The following KBTBD13 variants were observed in gnomAD, a reference collection of about 807,000 sequenced individuals.
KBTBD13 encodes kelch repeat and BTB domain-containing protein 13.
KBTBD13 carries 32 observed loss-of-function variants against 25.4 expected under a neutral mutation model. That is an observed-to-expected ratio of 1.26 (90% confidence interval 0.95 to 1.69). The LOEUF is 1.69. KBTBD13 is among the 40% of genes most tolerant of loss of function. KBTBD13 has a pLI of 0.00. For missense variants in KBTBD13, 898 were observed against 679.5 expected (o/e 1.32, Z -3.57); for synonymous variants, 436 against 329.8 (o/e 1.32, Z -3.49).
In KBTBD13 at chr15:65,077,942, C is replaced by T; in HGVS notation, c.1127C>T (p.Thr376Met). The part of the protein sequence containing the change: ...HCAIDCLNLA[T>M]GQWTALPGQF... ...GCCATCGACTGTCTCAACCTGGCCA[C>T]GGGCCAGTGGACGGCGCTGCCCGGC... Residue 376 changes from threonine to methionine, a missense_variant, in exon 1 of 1, where the codon ACG becomes ATG. By Grantham distance (81) the Thr-to-Met change is moderately conservative. Transcript: ENST00000432196. 6.2e-7 allele frequency: 1 copy of T among 1,611,706 alleles called. No individual in the cohort carries two copies.
At position 65,077,829 on chromosome 15, in the gene KBTBD13, T is replaced by A. The variant is rs759620220; in HGVS notation, c.1014T>A (p.Arg338=). 2 of 1,607,868 alleles carry A rather than the reference T, an allele frequency of 1.2e-6. No homozygotes were observed. Among genetic ancestry groups the A allele is most frequent in the Non-Finnish European group, 1.7e-6 (2 of 1,179,228 alleles). The change falls in exon 1 of 1, where the codon CGT becomes CGA. Residue 338 remains arginine, a synonymous_variant. Transcript: ENST00000432196. ...DAWLPVAELR[R]PQSYGHCMVA... ...GGCTGCCAGTGGCCGAGCTGCGGCG[T>A]CCGCAGAGCTATGGCCACTGCATGG...
rs765183787 is a variant in KBTBD13, at chr15:65,077,851, A to C, written c.1036A>C (p.Met346Leu). Residue 346 changes from methionine to leucine, a missense_variant, in exon 1 of 1, where the codon ATG (methionine) becomes CTG (leucine). Coordinates refer to ENST00000432196, the MANE Select transcript of KBTBD13 (RefSeq NM_001101362.3). ...LRRPQSYGHC[M>L]VAHRDSLYVV... Reference sequence around the variant, plus strand: ...GCGTCCGCAGAGCTATGGCCACTGCATGGTGGCCCACCGCGACAGCCTCTA... The same window carrying C: ...GCGTCCGCAGAGCTATGGCCACTGCCTGGTGGCCCACCGCGACAGCCTCTA... The C allele has an allele frequency of 3.1e-6, 5 of 1,610,622 alleles. No individual in the cohort carries two copies. The highest frequency in any genetic ancestry group is 4.5e-5 in the East Asian group (2 of 44,868).
In KBTBD13 at chr15:65,078,061, A is replaced by G. The variant is rs763604024; in HGVS notation, c.1246A>G (p.Ile416Val). The G allele has an allele frequency of 3.1e-6, 5 of 1,600,774 alleles. No homozygotes were observed. In the Admixed American group the frequency reaches 6.7e-5, roughly 21 times the overall value. ...VNRMFTLLYA[I>V]EGGTWRLLRE... ...CCGCATGTTCACGCTGCTCTACGCC[A>G]TCGAGGGCGGCACCTGGCGGCTGCT... The change falls in exon 1 of 1, where the codon ATC (isoleucine) becomes GTC (valine). Residue 416 changes from isoleucine (I) to valine (V), a missense_variant. Physicochemically the swap from Ile to Val is conservative, Grantham distance 29 (BLOSUM62 3). Transcript: ENST00000432196.
At position 65,076,766 on chromosome 15, in the gene KBTBD13, G is replaced by A; in HGVS notation, c.-50G>A. On this transcript the variant is annotated 5_prime_UTR_variant, in exon 1 of 1. Coordinates refer to ENST00000432196, the MANE Select transcript of KBTBD13 (RefSeq NM_001101362.3). ...GCTCCAGGGGAGCCCCAGAGTTGGT[G>A]GCTGGCTAACCCAAGGCCCCAGCGG... 1 of 1,464,076 alleles carries A rather than the reference G, an allele frequency of 6.8e-7. No individual in the cohort carries two copies. 90.7% of individuals were successfully genotyped at this position (1,464,076 alleles called of 1,614,324 possible).
In KBTBD13 at chr15:65,079,230, C is replaced by T. The variant is rs117364345; in HGVS notation, c.*1038C>T. On this transcript the variant is annotated 3_prime_UTR_variant, in exon 1 of 1. Coordinates refer to ENST00000432196, the MANE Select transcript of KBTBD13 (RefSeq NM_001101362.3). ...CTGCCTCATCTTCCTCAGTTGTAGC[C>T]CCTCCTCCACATTCTACAGGTTTGT... 1.3e-5 allele frequency among the ~76,000 whole-genome samples: 2 copies of T among 152,246 alleles called. No homozygotes were observed. Among genetic ancestry groups the T allele is most frequent in the Non-Finnish European group, 2.9e-5 (2 of 68,020 alleles).
At position 65,078,082 on chromosome 15, in the gene KBTBD13, C is replaced by T. The variant is rs1412007378; in HGVS notation, c.1267C>T (p.Leu423=). The T allele has an allele frequency of 1.9e-6, 3 of 1,596,604 alleles. No individual in the cohort carries two copies. Residue 423 remains leucine (L), a synonymous_variant, in exon 1 of 1, where the codon CTG becomes TTG. Coordinates refer to ENST00000432196, the MANE Select transcript of KBTBD13 (RefSeq NM_001101362.3). ...LYAIEGGTWR[L]LREKAGFPRP... ...CGCCATCGAGGGCGGCACCTGGCGGCTGCTCAGGGAGAAAGCCGGCTTCCC... is the reference window on the plus strand; with the variant it reads ...CGCCATCGAGGGCGGCACCTGGCGGTTGCTCAGGGAGAAAGCCGGCTTCCC...
In KBTBD13 at chr15:65,077,249, C is replaced by G. The variant is rs1205418680; in HGVS notation, c.434C>G (p.Ala145Gly). 1.2e-5 allele frequency: 17 copies of G among 1,415,874 alleles called. No individual in the cohort carries two copies. The highest frequency in any genetic ancestry group is 3.0e-5 in the Admixed American group (1 of 33,842). 87.7% of individuals were successfully genotyped at this position (1,415,874 alleles called of 1,614,324 possible). ...GCGGCCGAACTGGCGCTGCCTGAGG[C>G]CCGCGCCTACGTGGCGGCCCTGCGG... Reference protein sequence around the residue: ...ELAAELALPEARAYVAALRPS... With the variant: ...ELAAELALPEGRAYVAALRPS... The change falls in exon 1 of 1, where the codon GCC becomes GGC. Residue 145 changes from alanine to glycine, a missense_variant. Physicochemically the swap from Ala to Gly is moderately conservative, Grantham distance 60. Transcript: ENST00000432196.
chr15:65,078,218 G>A lies in KBTBD13; in HGVS notation c.*26G>A, dbSNP rs2087009566. The A allele has an allele frequency of 7.2e-6, 11 of 1,528,788 alleles. No individual in the cohort carries two copies. Among genetic ancestry groups the A allele is most frequent in the Non-Finnish European group, 3.5e-6 (4 of 1,141,350 alleles). The allele number at this position is 1,528,788 out of a possible 1,614,324, so 94.7% of individuals were successfully genotyped here. Reference sequence around the variant, plus strand: ...CCTCTGGGCTGGCTTTAGGAGGGAGGAGACGCCGCGACTCCTCCCTGAGCT... The same window carrying A: ...CCTCTGGGCTGGCTTTAGGAGGGAGAAGACGCCGCGACTCCTCCCTGAGCT... On this transcript the variant is annotated 3_prime_UTR_variant, in exon 1 of 1. Coordinates refer to ENST00000432196, the MANE Select transcript of KBTBD13 (RefSeq NM_001101362.3).
chr15:65,078,226 G>A lies in KBTBD13; in HGVS notation c.*34G>A. On this transcript the variant is annotated 3_prime_UTR_variant, in exon 1 of 1. Coordinates refer to ENST00000432196, the MANE Select transcript of KBTBD13 (RefSeq NM_001101362.3). ...CTGGCTTTAGGAGGGAGGAGACGCC[G>A]CGACTCCTCCCTGAGCTATGGCTGA... is the stretch of plus-strand genomic sequence containing the variant. The A allele has an allele frequency of 1.3e-6, 2 of 1,527,338 alleles. No homozygotes were observed. The highest frequency in any genetic ancestry group is 8.8e-7 in the Non-Finnish European group (1 of 1,140,482). The allele number at this position is 1,527,338 out of a possible 1,614,324, so 94.6% of individuals were successfully genotyped here.
In KBTBD13 at chr15:65,078,230, C is replaced by G. The variant is rs1273082283; in HGVS notation, c.*38C>G. The G allele has an allele frequency of 9.2e-6, 14 of 1,526,182 alleles. No homozygotes were observed. The highest frequency in any genetic ancestry group is 1.2e-5 in the Non-Finnish European group (14 of 1,140,072). The allele number at this position is 1,526,182 out of a possible 1,614,324, so 94.5% of individuals were successfully genotyped here. The stretch of plus-strand genomic sequence containing the variant: ...CTTTAGGAGGGAGGAGACGCCGCGA[C>G]TCCTCCCTGAGCTATGGCTGAGTGT... On this transcript the variant is annotated 3_prime_UTR_variant, in exon 1 of 1. Coordinates refer to ENST00000432196, the MANE Select transcript of KBTBD13 (RefSeq NM_001101362.3).
Position 65,077,246 on chromosome 15 carries a change from A to C in KBTBD13, c.431A>C (p.Glu144Ala). 1 of 1,418,716 alleles carries C rather than the reference A, an allele frequency of 7.0e-7. No individual in the cohort carries two copies. The highest frequency in any genetic ancestry group is 9.2e-7 in the Non-Finnish European group (1 of 1,089,980). The allele number at this position is 1,418,716 out of a possible 1,614,324, so 87.9% of individuals were successfully genotyped here. Residue 144 changes from glutamate (E) to alanine (A), a missense_variant, in exon 1 of 1, where the codon GAG (glutamate) becomes GCG (alanine). Glu to Ala is a moderately radical substitution (Grantham distance 107). Coordinates refer to ENST00000432196, the MANE Select transcript of KBTBD13 (RefSeq NM_001101362.3). ...RELAAELALP[E>A]ARAYVAALRP... ...CTGGCGGCCGAACTGGCGCTGCCTG[A>C]GGCCCGCGCCTACGTGGCGGCCCTG...
At position 65,079,624 on chromosome 15, in the gene KBTBD13, G is replaced by C. The variant is rs2087019885; in HGVS notation, c.*1432G>C. Among the ~76,000 whole-genome samples the C allele has an allele frequency of 6.6e-6, 1 of 152,186 alleles. No individual in the cohort carries two copies. Among genetic ancestry groups the C allele is most frequent in the Non-Finnish European group, 1.5e-5 (1 of 68,032 alleles). On this transcript the variant is annotated 3_prime_UTR_variant, in exon 1 of 1. Transcript: ENST00000432196. Reference sequence around the variant, plus strand: ...TCCTTCATCAAAATCCCCAGCTCTGGCTTCTGGGCAGATGCCTGTCCCAGC... The same window carrying C: ...TCCTTCATCAAAATCCCCAGCTCTGCCTTCTGGGCAGATGCCTGTCCCAGC...
In KBTBD13 at chr15:65,077,853, G is replaced by T. The variant is rs770377239; in HGVS notation, c.1038G>T (p.Met346Ile). 267 of 1,610,718 alleles carry T rather than the reference G, an allele frequency of 1.7e-4. No individual in the cohort carries two copies. The highest frequency in any genetic ancestry group is 2.2e-4 in the Non-Finnish European group (259 of 1,179,726). Residue 346 changes from methionine (M) to isoleucine (I), a missense_variant, in exon 1 of 1, where the codon ATG becomes ATT. Coordinates refer to ENST00000432196, the MANE Select transcript of KBTBD13 (RefSeq NM_001101362.3). ...GTCCGCAGAGCTATGGCCACTGCATGGTGGCCCACCGCGACAGCCTCTATG... is the reference window on the plus strand; with the variant it reads ...GTCCGCAGAGCTATGGCCACTGCATTGTGGCCCACCGCGACAGCCTCTATG... ...LRRPQSYGHC[M>I]VAHRDSLYVV...
rs1348157626 is a variant in KBTBD13 at position 65,078,187 on chromosome 15, CT to C, written c.1373del (p.Leu458ArgfsTer24). On this transcript the variant is annotated frameshift_variant, in exon 1 of 1. Coordinates refer to ENST00000432196, the MANE Select transcript of KBTBD13 (RefSeq NM_001101362.3). LOFTEE classifies it high-confidence loss of function. ...GCCTGTGACTTCGACAACGGCAGAA[CT>C]GTGACCTCTGGGCTGGCTTTAGGAG... The part of the protein sequence containing the change: ...PGPVTSTTAE[L>X] 5 of 1,538,664 alleles carry C rather than the reference CT, an allele frequency of 3.2e-6. No individual in the cohort carries two copies. The highest frequency in any genetic ancestry group is 4.4e-6 in the Non-Finnish European group (5 of 1,147,406).
In KBTBD13 at chr15:65,078,270, A is replaced by T. The variant is rs900986909; in HGVS notation, c.*78A>T. 3 of 1,480,306 alleles carry T rather than the reference A, an allele frequency of 2.0e-6. No homozygotes were observed. Among genetic ancestry groups the T allele is most frequent in the Non-Finnish European group, 2.7e-6 (3 of 1,118,574 alleles). 91.7% of individuals were successfully genotyped at this position (1,480,306 alleles called of 1,614,324 possible). ...TGGCTGAGTGTGTGAGGCCGGCCTT[A>T]GAAGTAGCTGGCAACTTCCCTCTTT... On this transcript the variant is annotated 3_prime_UTR_variant, in exon 1 of 1. Transcript: ENST00000432196.
chr15:65,077,352 C>T lies in KBTBD13; in HGVS notation c.537C>T (p.Tyr179=), dbSNP rs1465166108. The change falls in exon 1 of 1, where the codon TAC becomes TAT. Residue 179 remains tyrosine, a synonymous_variant. Coordinates refer to ENST00000432196, the MANE Select transcript of KBTBD13 (RefSeq NM_001101362.3). Reference sequence around the variant, plus strand: ...AGGACGCCTCGCGCACGCTGTGTTACCTGGACGAGGAAGAGGACGCGTGGC... The same window carrying T: ...AGGACGCCTCGCGCACGCTGTGTTATCTGGACGAGGAAGAGGACGCGTGGC... The part of the protein sequence containing the change: ...FLEDASRTLC[Y]LDEEEDAWRT... 3.3e-6 allele frequency: 5 copies of T among 1,493,754 alleles called. No individual in the cohort carries two copies. The highest frequency in any genetic ancestry group is 1.4e-5 in the African/African-American group (1 of 70,402). The allele number at this position is 1,493,754 out of a possible 1,614,324, so 92.5% of individuals were successfully genotyped here. A position where few individuals can be genotyped will look rare whatever the true frequency, so the allele number is the denominator to read the frequency against.
chr15:65,076,924 C>G lies in KBTBD13; in HGVS notation c.109C>G (p.Arg37Gly), dbSNP rs372099090. The change falls in exon 1 of 1, where the codon CGC (arginine) becomes GGC (glycine). Residue 37 changes from arginine to glycine, a missense_variant. Coordinates refer to ENST00000432196, the MANE Select transcript of KBTBD13 (RefSeq NM_001101362.3). ...EHCGFFRGLF[R>G]SGMRETRAAE... Reference sequence around the variant, plus strand: ...CTGTGGCTTCTTCCGAGGCCTCTTCCGCTCCGGCATGCGGGAGACCCGCGC... The same window carrying G: ...CTGTGGCTTCTTCCGAGGCCTCTTCGGCTCCGGCATGCGGGAGACCCGCGC... The G allele has an allele frequency of 3.8e-6, 6 of 1,559,372 alleles. No individual in the cohort carries two copies. In the African/African-American group the frequency reaches 5.4e-5, roughly 14 times the overall value.
In KBTBD13 at chr15:65,078,282, C is replaced by T. The variant is rs2087010417; in HGVS notation, c.*90C>T. The T allele has an allele frequency of 1.4e-5, 21 of 1,461,302 alleles. No individual in the cohort carries two copies. The South Asian group carries it at 2.9e-4, about 20-fold the overall frequency. 90.5% of individuals were successfully genotyped at this position (1,461,302 alleles called of 1,614,324 possible). On this transcript the variant is annotated 3_prime_UTR_variant, in exon 1 of 1. Coordinates refer to ENST00000432196, the MANE Select transcript of KBTBD13 (RefSeq NM_001101362.3). ...TGAGGCCGGCCTTAGAAGTAGCTGG[C>T]AACTTCCCTCTTTCTACTGAGACAC...
chr15:65,078,120 C>T lies in KBTBD13; in HGVS notation c.1305C>T (p.Ser435=), dbSNP rs777830269. The T allele has an allele frequency of 4.5e-5, 70 of 1,564,772 alleles. 1 individual carries two copies. The South Asian group carries it at 8.0e-4, about 18-fold the overall frequency. The part of the protein sequence containing the change: ...REKAGFPRPG[S]LQTFLLRLPP... ...AAGCCGGCTTCCCGCGGCCCGGCTCCTTGCAGACCTTTCTCCTAAGGCTGC... is the reference window on the plus strand; with the variant it reads ...AAGCCGGCTTCCCGCGGCCCGGCTCTTTGCAGACCTTTCTCCTAAGGCTGC... Residue 435 remains serine (S), a synonymous_variant, in exon 1 of 1, where the codon TCC becomes TCT. Transcript: ENST00000432196.
Sources: allele counts gnomAD v4.1 joint callset (sites outside exome capture counted in the v4.1 genomes callset), GRCh38; gene constraint gnomAD v4.1.1; transcripts MANE v1.5; gene names NCBI Gene and HGNC (gene_info 2026-07-23, HGNC 2026-07-21).